The following KCNH7 variants were observed in gnomAD, a reference collection of about 807,000 sequenced individuals.
The protein encoded by KCNH7 is potassium voltage-gated channel subfamily H member 7.
In KCNH7, 49 loss-of-function variants were observed where a neutral mutation model predicts 120.8. The observed-to-expected ratio is 0.41, with a 90% CI of 0.32 to 0.51. The LOEUF (loss-of-function observed/expected upper bound fraction) is 0.51. Among genes scored for constraint, KCNH7 ranks in the 20% least tolerant of loss-of-function variants. KCNH7 has a pLI of 0.38. For synonymous variants in KCNH7, 547 were observed against 516.1 expected, an observed-to-expected ratio of 1.06 and a Z score of -0.81; for missense variants, 1,097 against 1,446.6, an observed-to-expected ratio of 0.76 and a Z score of 3.92.
intron 8 of KCNH7, among the ~76,000 whole-genome samples, chr2:162,432,231 C>T (rs981416884): frequency 1.3e-5 from 2 of 151,986 alleles, no homozygotes; most frequent in African/African-American, 4.8e-5. Context: ...GCTCTGTGTT[C>T]TGTCTCTCTG....
intron 2 of KCNH7, among the ~76,000 whole-genome samples, chr2:162,710,068 G>A (rs998478165): frequency 6.6e-6 from 1 of 152,106 alleles, no homozygotes. Context: ...TAGTTTTCCA[G>A]GGTGACAGCC....
At chr2:162,486,824 T>C (rs561320311) in intron 6 of KCNH7, among the ~76,000 whole-genome samples, 9 of 152,278 alleles carry the variant, frequency 5.9e-5, no homozygotes, top group African/African-American at 2.2e-4. Context: ...GGTTCTGTCA[T>C]GAAAAAAGTT....
intron 2 of KCNH7, among the ~76,000 whole-genome samples, chr2:162,725,319 A>G (rs1261865802): frequency 6.6e-6 from 1 of 152,124 alleles, no homozygotes; most frequent in African/African-American, 2.4e-5. Flanking sequence ...TTTGCAAATT[A>G]TGTTTAAATT....
chr2:162,487,758 ACCTT>A (rs1690150594), intron 6 of KCNH7, among the ~76,000 whole-genome samples: 2 of 152,056 alleles, frequency 1.3e-5, no homozygotes, highest in Admixed American at 6.6e-5. Flanking sequence ...AATCAATGAG[ACCTT>A]TTATGTTATT....
chr2:162,623,337 C>T (rs139237037), intron 2 of KCNH7, among the ~76,000 whole-genome samples: 226 of 152,174 alleles, frequency 1.5e-3, no homozygotes, highest in Middle Eastern at 3.4e-3. Context: ...CTTTTGTTGT[C>T]ATTTTTGTAA....
At chr2:162,502,042 A>T (rs1430641149) in intron 6 of KCNH7, 1 of 152,082 alleles carries the variant, frequency 6.6e-6, no homozygotes, top group Non-Finnish European at 1.5e-5. Flanking sequence ...AAAGGTAGAA[A>T]AGTGTTATTT....
At chr2:162,379,707 GTCAAC>G (rs1686341397) in intron 14 of KCNH7, 141 bp downstream of exon 14, 1 of 759,496 alleles carries the variant, frequency 1.3e-6, no homozygotes, top group Admixed American at 3.0e-5. Context: ...AAATTATTCT[GTCAAC>G]TTCTAGTCTT....
intron 2 of KCNH7, among the ~76,000 whole-genome samples, chr2:162,746,642 G>A (rs1347313204): frequency 6.6e-6 from 1 of 151,998 alleles, no homozygotes; most frequent in Non-Finnish European, 1.5e-5. Flanking sequence ...AATGAAATCT[G>A]CTGTAAACCT....
chr2:162,552,457 T>C (rs151057018), intron 2 of KCNH7, among the ~76,000 whole-genome samples: 6 of 152,304 alleles, frequency 3.9e-5, no homozygotes, highest in African/African-American at 7.2e-5. Context: ...TAGCAATCAC[T>C]AACAGTATTT....
chr2:162,546,907 A>T (rs536790441), intron 2 of KCNH7, among the ~76,000 whole-genome samples: 1 of 152,264 alleles, frequency 6.6e-6, no homozygotes, highest in South Asian at 2.1e-4. Flanking sequence ...AAGAGAGGAC[A>T]AGTAATGCCG....
chr2:162,696,352 C>T (rs896590323), intron 2 of KCNH7, among the ~76,000 whole-genome samples: 2 of 152,074 alleles, frequency 1.3e-5, no homozygotes, highest in East Asian at 1.9e-4. Flanking sequence ...GCATCTATTA[C>T]TTGTGTAATG....
At chr2:162,812,422 G>C (rs1206355637) in intron 2 of KCNH7, among the ~76,000 whole-genome samples, 2 of 152,068 alleles carry the variant, frequency 1.3e-5, no homozygotes, top group African/African-American at 4.8e-5. Context: ...GTTGTGGACA[G>C]AAAGAAAGCA....
At chr2:162,620,101 A>G (rs150218002) in intron 2 of KCNH7, among the ~76,000 whole-genome samples, 17 of 151,332 alleles carry the variant, frequency 1.1e-4, no homozygotes, top group African/African-American at 3.9e-4. Flanking sequence ...TCTATAAAAA[A>G]TCTATAAAAA....
chr2:162,584,275 G>A (rs1052114999), intron 2 of KCNH7, among the ~76,000 whole-genome samples: 6 of 152,024 alleles, frequency 3.9e-5, no homozygotes, highest in African/African-American at 1.4e-4. Flanking sequence ...ATTCTCATGG[G>A]AGGGAAACAT....
chr2:162,577,186 C>T (rs1404613587), intron 2 of KCNH7, among the ~76,000 whole-genome samples: 3 of 151,906 alleles, frequency 2.0e-5, no homozygotes, highest in Admixed American at 6.6e-5. Context: ...TCTGAAAGTG[C>T]TGGGATTACA....
At chr2:162,525,717 T>C (rs1359674608) in intron 3 of KCNH7, among the ~76,000 whole-genome samples, 1 of 151,966 alleles carries the variant, frequency 6.6e-6, no homozygotes, top group African/African-American at 2.4e-5. Flanking sequence ...TGGATGATCA[T>C]GTAGTCATCA....
At chr2:162,661,040 T>C (rs1250825892) in intron 2 of KCNH7, among the ~76,000 whole-genome samples, 1 of 152,198 alleles carries the variant, frequency 6.6e-6, no homozygotes, top group African/African-American at 2.4e-5. Flanking sequence ...TGATTTATTA[T>C]TATTTTGAAG....
chr2:162,669,598 C>T (rs1476769917), intron 2 of KCNH7, among the ~76,000 whole-genome samples: 8 of 152,104 alleles, frequency 5.3e-5, no homozygotes, highest in African/African-American at 1.7e-4. Flanking sequence ...ATTTTTGGTA[C>T]CCATATTTGC....
intron 2 of KCNH7, among the ~76,000 whole-genome samples, chr2:162,590,211 C>T (rs866195017): frequency 6.6e-6 from 1 of 151,934 alleles, no homozygotes; most frequent in East Asian, 1.9e-4. Context: ...TTTGTCCCAC[C>T]TAAATCAGAG....
Sources: gnomAD v4.1 joint callset for allele counts (sites outside exome capture counted in the v4.1 genomes callset) on GRCh38, gnomAD v4.1.1 for gene constraint, MANE v1.5 for transcripts, NCBI Gene and HGNC (gene_info 2026-07-23, HGNC 2026-07-21) for gene names.